KCNT2: variants seen among roughly 807,000 people sequenced by gnomAD.
The protein encoded by KCNT2 is potassium channel subfamily T member 2.
A neutral mutation model predicts 153.8 loss-of-function variants in KCNT2; 67 were observed. The observed-to-expected ratio is 0.44, with a 90% CI of 0.36 to 0.53. The LOEUF (loss-of-function observed/expected upper bound fraction) is 0.53, where lower values mean the gene tolerates loss of function less well. Ranked by LOEUF, KCNT2 falls within the 20% of genes least tolerant of loss-of-function variation. KCNT2 has a pLI of 0.00. For synonymous variants in KCNT2, 500 were observed against 458.8 expected, an observed-to-expected ratio of 1.09 and a Z score of -1.15; for missense variants, 975 against 1,354.8, an observed-to-expected ratio of 0.72 and a Z score of 4.40.
chr1:196,403,620 T>C lies in KCNT2; in HGVS notation c.1186-4949A>G, dbSNP rs145205887. 2.3e-3 allele frequency among the ~76,000 whole-genome samples: 345 copies of C among 151,460 alleles called. 3 individuals carry two copies. The highest frequency in any genetic ancestry group is 7.9e-3 in the African/African-American group (325 of 41,398). On this transcript the variant is annotated intron_variant, in intron 12 of 27. Coordinates refer to ENST00000294725, the MANE Select transcript of KCNT2 (RefSeq NM_198503.5). ...ACAAATGTATCACAATAATGGAAGA[T>C]GTTAAAAATAGGAAAATGGGGTGTA...
At chr1:196,425,457 T>C (rs1263423856) in intron 11 of KCNT2, among the ~76,000 whole-genome samples, 1 of 151,984 alleles carries the variant, frequency 6.6e-6, no homozygotes, top group Non-Finnish European at 1.5e-5. Context: ...TGCACTGGTA[T>C]GTCACACCAT....
intron 1 of KCNT2, among the ~76,000 whole-genome samples, chr1:196,573,131 ATT>A (rs1043757553): frequency 3.0e-4 from 46 of 152,242 alleles, no homozygotes; most frequent in African/African-American, 8.7e-4. Context: ...AATTTAGTGT[ATT>A]ATATTTAACT....
At chr1:196,524,977 T>G (rs1048824387) in intron 1 of KCNT2, among the ~76,000 whole-genome samples, 6 of 152,124 alleles carry the variant, frequency 3.9e-5, no homozygotes, top group Non-Finnish European at 8.8e-5. Context: ...ATGGTTGAAG[T>G]AGAGAAAAGG....
intron 25 of KCNT2, among the ~76,000 whole-genome samples, chr1:196,264,788 C>T (rs532419676): frequency 1.8e-4 from 27 of 152,204 alleles, no homozygotes; most frequent in South Asian, 1.0e-3. Context: ...TGGAGCATCA[C>T]GCCTGGCTAA....
intron 1 of KCNT2, among the ~76,000 whole-genome samples, chr1:196,525,724 CA>C (rs1348054082): frequency 2.0e-5 from 3 of 152,058 alleles, no homozygotes. Flanking sequence ...GGCTGAAAGC[CA>C]AAAAAGTTTA....
chr1:196,301,995 C>G (rs1009523753), intron 22 of KCNT2, among the ~76,000 whole-genome samples: 1 of 152,158 alleles, frequency 6.6e-6, no homozygotes, highest in Non-Finnish European at 1.5e-5. Context: ...CTGCCTCAAC[C>G]TCCCAAAGTG....
At chr1:196,445,065 T>G (rs1675569455) in intron 8 of KCNT2, among the ~76,000 whole-genome samples, 1 of 151,338 alleles carries the variant, frequency 6.6e-6, no homozygotes, top group Non-Finnish European at 1.5e-5. Flanking sequence ...ACTTATCTCA[T>G]TCAGCCCTTA....
chr1:196,486,229 T>C (rs943376241), intron 3 of KCNT2, among the ~76,000 whole-genome samples: 1 of 151,948 alleles, frequency 6.6e-6, no homozygotes, highest in African/African-American at 2.4e-5. Flanking sequence ...CAGATAATTT[T>C]TACTTCCTTG....
intron 1 of KCNT2, among the ~76,000 whole-genome samples, chr1:196,494,030 G>A (rs1680059175): frequency 2.0e-5 from 3 of 152,238 alleles, no homozygotes; most frequent in African/African-American, 7.2e-5. Flanking sequence ...ATTTCCATCT[G>A]TATGCCCATG....
At chr1:196,593,769 A>T (rs1663709685) in intron 1 of KCNT2, among the ~76,000 whole-genome samples, 1 of 152,120 alleles carries the variant, frequency 6.6e-6, no homozygotes, top group Non-Finnish European at 1.5e-5. Context: ...CTACACATTT[A>T]ATAATAGGAA....
Position 196,298,664 on chromosome 1 carries a change from G to A in KCNT2, c.2595+6570C>T, listed in dbSNP as rs566058140. 5.3e-5 allele frequency among the ~76,000 whole-genome samples: 8 copies of A among 151,684 alleles called. No homozygotes were observed. In the East Asian group the frequency reaches 1.4e-3, roughly 26 times the overall value. On this transcript the variant is annotated intron_variant, in intron 22 of 27. Transcript: ENST00000294725. ...TCATTAGCCACGTGATGAAACCCAGGCCCCAGCCCCTCTGCCCTCCTTGGA... is the reference window on the plus strand; with the variant it reads ...TCATTAGCCACGTGATGAAACCCAGACCCCAGCCCCTCTGCCCTCCTTGGA...
At chr1:196,463,353 A>G (rs1017240305) in intron 8 of KCNT2, among the ~76,000 whole-genome samples, 128 of 151,970 alleles carry the variant, frequency 8.4e-4, no homozygotes, top group African/African-American at 3.0e-3. Context: ...GATGATGATC[A>G]TAAGTTATGA....
chr1:196,295,606 C>T (rs1457174466), intron 22 of KCNT2, among the ~76,000 whole-genome samples: 2 of 151,848 alleles, frequency 1.3e-5, no homozygotes, highest in African/African-American at 4.8e-5. Context: ...AAATAGTCTT[C>T]ATATAAGAAT....
intron 13 of KCNT2, among the ~76,000 whole-genome samples, chr1:196,387,799 T>C (rs546205185): frequency 2.0e-5 from 3 of 152,122 alleles, no homozygotes; most frequent in Admixed American, 1.3e-4. Flanking sequence ...GAGTTCTTTA[T>C]ATACGTTTGG....
chr1:196,593,311 T>TATATATATATATATATATATAC (rs1256165838), intron 1 of KCNT2, among the ~76,000 whole-genome samples: 2 of 140,204 alleles, frequency 1.4e-5, no homozygotes, highest in African/African-American at 5.6e-5. Context: ...TATATATATA[T>TATATATATATATATATATATAC]ACACACACAC....
chr1:196,272,318 T>C (rs1658144080), intron 25 of KCNT2, among the ~76,000 whole-genome samples: 1 of 151,882 alleles, frequency 6.6e-6, no homozygotes, highest in African/African-American at 2.4e-5. Context: ...TGATCATCAA[T>C]CTGGCTGCAC....
At chr1:196,353,980 G>A (rs1003629237) in intron 14 of KCNT2, among the ~76,000 whole-genome samples, 3 of 151,774 alleles carry the variant, frequency 2.0e-5, no homozygotes, top group African/African-American at 7.3e-5. Context: ...GTACTACCCT[G>A]TTCAGTAAAG....
At chr1:196,334,883 C>T (rs537292551) in intron 16 of KCNT2, among the ~76,000 whole-genome samples, 3 of 151,840 alleles carry the variant, frequency 2.0e-5, no homozygotes, top group Admixed American at 6.6e-5. Flanking sequence ...TTAGGACATT[C>T]GATTTTTGAC....
rs541873676 is a variant in KCNT2, at chr1:196,365,913, T to C, written c.1403+7227A>G. Among the ~76,000 whole-genome samples the C allele has an allele frequency of 2.6e-5, 4 of 152,260 alleles. No individual in the cohort carries two copies. In the South Asian group the frequency reaches 8.3e-4, roughly 32 times the overall value. ...GACAACTAAAGACCAATTACTATGG[T>C]TGGGCATGGCTACATAATTTTCAAA... On this transcript the variant is annotated intron_variant, in intron 14 of 27. Transcript: ENST00000294725.
Sources: gnomAD v4.1 joint callset for allele counts (sites outside exome capture counted in the v4.1 genomes callset) on GRCh38, gnomAD v4.1.1 for gene constraint, MANE v1.5 for transcripts, NCBI Gene and HGNC (gene_info 2026-07-23, HGNC 2026-07-21) for gene names.